The following ABCB9 variants were observed in gnomAD, a reference collection of about 807,000 sequenced individuals.
ABCB9 encodes ABC-type oligopeptide transporter ABCB9.
ABCB9 carries 36 observed loss-of-function variants against 62.0 expected under a neutral mutation model. The ratio of observed to expected loss-of-function variants is 0.58; its 90% CI spans 0.45 to 0.77. The LOEUF is 0.77. Among genes scored for constraint, ABCB9 ranks in the 30% least tolerant of loss-of-function variants. The pLI, the probability that ABCB9 is intolerant of heterozygous loss-of-function variation, is 0.00. For synonymous variants in ABCB9, 435 were observed against 461.4 expected, an observed-to-expected ratio of 0.94 and a Z score of 0.73; for missense variants, 943 against 1,054.7, an observed-to-expected ratio of 0.89 and a Z score of 1.47.
intron 1 of ABCB9, among the ~76,000 whole-genome samples, chr12:122,965,380 G>A (rs2037116338): frequency 6.6e-6 from 1 of 152,174 alleles, no homozygotes; most frequent in African/African-American, 2.4e-5. Context: ...CATTCCATTC[G>A]CTGCGCAGCA....
chr12:122,973,583 A>AG (rs2037317019), intron 1 of ABCB9, among the ~76,000 whole-genome samples: 1 of 123,382 alleles, frequency 8.1e-6, no homozygotes, highest in South Asian at 2.4e-4. Context: ...AAAAAGAAAA[A>AG]AAAAAAAAAA....
In ABCB9 at chr12:122,929,929, G is replaced by A. The variant is rs766137731; in HGVS notation, c.2283C>T (p.Asn761=). Residue 761 remains asparagine (N), a synonymous_variant, in exon 12 of 12, where the codon AAC becomes AAT. Coordinates refer to ENST00000280560, the MANE Select transcript of ABCB9 (RefSeq NM_019625.4). This position sits in a 1 kb window ranked among gnomAD's most constrained non-coding sequence, Gnocchi z 6.0. ...FTAGHNEPVA[N]GSHKA Reference sequence around the variant, plus strand: ...CCCCCCATCAGGCCTTGTGACTGCCGTTGGCTACAGGCTCGTTGTGGCCAG... The same window carrying A: ...CCCCCCATCAGGCCTTGTGACTGCCATTGGCTACAGGCTCGTTGTGGCCAG... 3.1e-5 allele frequency: 48 copies of A among 1,560,088 alleles called. No individual in the cohort carries two copies. Among genetic ancestry groups the A allele is most frequent in the Non-Finnish European group, 3.6e-5 (41 of 1,150,400 alleles).
chr12:122,935,092 T>A (rs1319842531), intron 10 of ABCB9, among the ~76,000 whole-genome samples, 180 bp downstream of exon 10: 4 of 152,082 alleles, frequency 2.6e-5, no homozygotes, highest in Non-Finnish European at 5.9e-5. Flanking sequence ...TCCCAGCACT[T>A]TGGGGATTGC....
At chr12:122,926,467 A>T (rs796537691), downstream of ABCB9, among the ~76,000 whole-genome samples, 21 of 152,296 alleles carry the variant, frequency 1.4e-4, 1 homozygote, top group African/African-American at 5.1e-4. Flanking sequence ...GAATCGCTTG[A>T]ACCAGGGAGG....
Position 122,955,599 on chromosome 12 carries a change from C to A in ABCB9, c.601+4036G>T, listed in dbSNP as rs188754605. Among the ~76,000 whole-genome samples, 140 of 152,308 alleles carry A rather than the reference C, an allele frequency of 9.2e-4. 1 individual carries two copies. Among genetic ancestry groups the A allele is most frequent in the African/African-American group, 3.2e-3 (131 of 41,580 alleles). ...GTCTTGCTATGTTGGCCAGACTGGTCTTGAACTCCTGGCCTCAAGTGATCC... is the reference window on the plus strand; with the variant it reads ...GTCTTGCTATGTTGGCCAGACTGGTATTGAACTCCTGGCCTCAAGTGATCC... On this transcript the variant is annotated intron_variant, in intron 2 of 11. Coordinates refer to ENST00000280560, the MANE Select transcript of ABCB9 (RefSeq NM_019625.4).
At chr12:122,952,813 C>G (rs1313936513) in intron 2 of ABCB9, 2 of 152,272 alleles carry the variant, frequency 1.3e-5, no homozygotes, top group African/African-American at 4.8e-5. Context: ...ATTTCCAGAA[C>G]CTGACCACTT....
Position 122,962,517 on chromosome 12 carries a change from C to G in ABCB9, c.-87-2195G>C, listed in dbSNP as rs1307087314. On this transcript the variant is annotated intron_variant, in intron 1 of 11. Transcript: ENST00000280560. The stretch of plus-strand genomic sequence containing the variant: ...GGCATGACTGGAACCTCACACAGTC[C>G]CACGAGGCCAGGGTTTCCATATTCC... Among the ~76,000 whole-genome samples the G allele has an allele frequency of 1.3e-5, 2 of 152,168 alleles. 1 individual carries two copies. The highest frequency in any genetic ancestry group is 2.9e-5 in the Non-Finnish European group (2 of 68,042).
intron 11 of ABCB9, among the ~76,000 whole-genome samples, chr12:122,921,461 T>C (rs2034745076): frequency 6.6e-6 from 1 of 152,054 alleles, no homozygotes; most frequent in Non-Finnish European, 1.5e-5. Context: ...TGTTATGTTA[T>C]GTGTATTTTA....
Position 122,940,645 on chromosome 12 carries a change from T to A in ABCB9, c.1569+162A>T, listed in dbSNP as rs2035707113. On this transcript the variant is annotated intron_variant, in intron 8 of 11. Coordinates refer to ENST00000280560, the MANE Select transcript of ABCB9 (RefSeq NM_019625.4). This position sits in a 1 kb window ranked among gnomAD's most constrained non-coding sequence, Gnocchi z 4.8. ...GCACTTATTATCGGGAATCATTCTG[T>A]TAAGTATCTGTCTTCCCCAACTGGA... 6.6e-6 allele frequency among the ~76,000 whole-genome samples: 1 copy of A among 152,146 alleles called. No individual in the cohort carries two copies. The highest frequency in any genetic ancestry group is 2.4e-5 in the African/African-American group (1 of 41,442).
chr12:122,928,938 G>T, downstream of ABCB9: 1 of 933,350 alleles, frequency 1.1e-6, no homozygotes, highest in Non-Finnish European at 1.3e-6. Flanking sequence ...GCCGTGGTCT[G>T]GTGGAAAAAC....
chr12:122,948,676 A>T lies in ABCB9; in HGVS notation c.1001T>A (p.Met334Lys). The T allele has an allele frequency of 6.2e-7, 1 of 1,614,054 alleles. No individual in the cohort carries two copies. The highest frequency in any genetic ancestry group is 8.5e-7 in the Non-Finnish European group (1 of 1,179,952). The change falls in exon 5 of 12, where the codon ATG (methionine) becomes AAG (lysine). Residue 334 changes from methionine to lysine, a missense_variant. Coordinates refer to ENST00000280560, the MANE Select transcript of ABCB9 (RefSeq NM_019625.4). ...CACCATCATGATGATGGGGAAGCCC[A>T]TGAAGGTGACCAAGGAGAGCTGCCA... ...LSWQLSLVTF[M>K]GFPIIMMVSN...
chr12:122,962,474 C>T (rs1234064089), intron 1 of ABCB9, among the ~76,000 whole-genome samples: 2 of 152,182 alleles, frequency 1.3e-5, no homozygotes, highest in Non-Finnish European at 2.9e-5. Flanking sequence ...GCCCAGGTGC[C>T]CAAACCGCTC....
At chr12:122,923,629 T>C (rs2034813154) in intron 11 of ABCB9, among the ~76,000 whole-genome samples, 1 of 152,188 alleles carries the variant, frequency 6.6e-6, no homozygotes, top group African/African-American at 2.4e-5. Flanking sequence ...TTCTTAATTG[T>C]TAATCCCAGT....
At chr12:122,926,581 CAAACAAAAGA>C (rs1390763318), downstream of ABCB9, among the ~76,000 whole-genome samples, 1 of 151,924 alleles carries the variant, frequency 6.6e-6, no homozygotes, top group South Asian at 2.1e-4. Flanking sequence ...CAAAATAAAA[CAAACAAAAGA>C]AAACATTATA....
chr12:122,947,086 G>A lies in ABCB9; in HGVS notation c.1054-864C>T, dbSNP rs1301483966. ...GCTACACACAACACATTCAGGCATG[G>A]GGTGGAAAACCCAAACAGAGCCTTC... On this transcript the variant is annotated intron_variant, in intron 5 of 11. Coordinates refer to ENST00000280560, the MANE Select transcript of ABCB9 (RefSeq NM_019625.4). This position sits in a 1 kb window ranked among gnomAD's most constrained non-coding sequence, Gnocchi z 6.0. Among the ~76,000 whole-genome samples the A allele has an allele frequency of 6.6e-6, 1 of 152,188 alleles. No homozygotes were observed. Among genetic ancestry groups the A allele is most frequent in the Non-Finnish European group, 1.5e-5 (1 of 68,030 alleles).
chr12:122,970,640 G>A (rs2037259259), upstream of ABCB9, among the ~76,000 whole-genome samples: 1 of 152,112 alleles, frequency 6.6e-6, no homozygotes, highest in Admixed American at 6.5e-5. Context: ...TGATCACTAT[G>A]CATTATATGT....
chr12:122,935,133 G>A, intron 10 of ABCB9, 139 bp downstream of exon 10: 1 of 1,076,954 alleles, frequency 9.3e-7, no homozygotes, highest in Non-Finnish European at 1.3e-6. Flanking sequence ...GGAGGTTCGA[G>A]TCTGGCCAGG....
Position 122,935,874 on chromosome 12 carries a change from C to T in ABCB9, c.1744-443G>A, listed in dbSNP as rs778309172. 1.1e-4 allele frequency among the ~76,000 whole-genome samples: 16 copies of T among 152,096 alleles called. 1 individual carries two copies. The highest frequency in any genetic ancestry group is 1.0e-3 in the Admixed American group (16 of 15,256). On this transcript the variant is annotated intron_variant, in intron 9 of 11. Coordinates refer to ENST00000280560, the MANE Select transcript of ABCB9 (RefSeq NM_019625.4). The stretch of plus-strand genomic sequence containing the variant: ...TAAGAGAACAATTTAAAGGAGCTAT[C>T]ATCTCTAGATTCCAGTTTCAGGAAT...
upstream of ABCB9, among the ~76,000 whole-genome samples, chr12:122,968,802 A>T (rs1467696145): frequency 6.6e-6 from 1 of 151,880 alleles, no homozygotes; most frequent in Non-Finnish European, 1.5e-5. Flanking sequence ...TTTAGTAGAG[A>T]TGGGGTTTTG....
Sources: allele counts gnomAD v4.1 joint callset (sites outside exome capture counted in the v4.1 genomes callset), GRCh38; gene constraint gnomAD v4.1.1; non-coding constraint Gnocchi (gnomAD v3.1); transcripts MANE v1.5; gene names NCBI Gene and HGNC (gene_info 2026-07-23, HGNC 2026-07-21).